The following ZNF362 variants were observed in gnomAD, a reference collection of about 807,000 sequenced individuals.
ZNF362 encodes zinc finger protein 362.
A neutral mutation model predicts 42.9 loss-of-function variants in ZNF362; 11 were observed. The observed-to-expected ratio is 0.26, with a 90% CI of 0.16 to 0.42. ZNF362 has a LOEUF of 0.42. ZNF362 is among the 20% of genes least tolerant of loss of function. ZNF362 has a pLI of 1.00. For synonymous variants in ZNF362, 255 were observed against 257.3 expected, an observed-to-expected ratio of 0.99 and a Z score of 0.09; for missense variants, 362 against 576.2, an observed-to-expected ratio of 0.63 and a Z score of 3.81.
chr1:33,253,784 T>C (rs1645772239), upstream of ZNF362, among the ~76,000 whole-genome samples: 1 of 152,186 alleles, frequency 6.6e-6, no homozygotes, highest in Admixed American at 6.6e-5. Flanking sequence ...ATGTGTTAGG[T>C]GCTGTGATGG....
At chr1:33,143,397 A>G in the ZNF362 span, among the ~76,000 whole-genome samples, 2 of 152,186 alleles carry the variant, frequency 1.3e-5, no homozygotes, top group Non-Finnish European at 2.9e-5. Context: ...AGACAGATCC[A>G]CTGAGCCAAA....
intron 7 of ZNF362, 24 bp from the exon 8 acceptor site, chr1:33,295,123 T>G (rs1217880624): frequency 1.3e-6 from 2 of 1,587,930 alleles, no homozygotes; most frequent in Non-Finnish European, 1.7e-6. Context: ...GTTCCTCTCC[T>G]GACCCCCTGC....
chr1:33,292,927 A>G (rs1008682663), intron 6 of ZNF362, among the ~76,000 whole-genome samples: 1 of 152,218 alleles, frequency 6.6e-6, no homozygotes, highest in African/African-American at 2.4e-5. Flanking sequence ...AACATGTGAC[A>G]TCCAGAAATG....
At chr1:33,181,013 C>A in the ZNF362 span, 2 of 1,480,936 alleles carry the variant, frequency 1.4e-6, no homozygotes, top group Non-Finnish European at 1.8e-6. This position sits in a 1 kb window ranked among gnomAD's most constrained non-coding sequence, Gnocchi z 6.5. Context: ...CCAGGCAGGC[C>A]GGGTAGCGCA....
the ZNF362 span, among the ~76,000 whole-genome samples, chr1:33,240,829 G>A: frequency 6.6e-5 from 10 of 152,138 alleles, no homozygotes; most frequent in Non-Finnish European, 1.0e-4. Context: ...ATTACCTGGC[G>A]TTTTCCCCCA....
At chr1:33,244,258 T>C in the ZNF362 span, among the ~76,000 whole-genome samples, 51 of 151,948 alleles carry the variant, frequency 3.4e-4, no homozygotes, top group South Asian at 6.2e-4. The surrounding 1 kb of genome is among the most constrained non-coding windows in gnomAD (Gnocchi z 4.0). Flanking sequence ...TATCACATGC[T>C]TTCCCAACTC....
chr1:33,263,917 G>A (rs1244140453), intron 1 of ZNF362, among the ~76,000 whole-genome samples: 1 of 152,156 alleles, frequency 6.6e-6, no homozygotes, highest in African/African-American at 2.4e-5. Context: ...TCCCTGGCCT[G>A]TTCCCCGCGA....
chr1:33,262,731 C>T (rs1015549973), intron 1 of ZNF362, among the ~76,000 whole-genome samples: 5 of 152,192 alleles, frequency 3.3e-5, no homozygotes, highest in African/African-American at 9.7e-5. Context: ...TACATATTCA[C>T]ACTATTACCT....
At chr1:33,286,306 G>A (rs532621975) in intron 6 of ZNF362, among the ~76,000 whole-genome samples, 1 of 151,886 alleles carries the variant, frequency 6.6e-6, no homozygotes, top group Non-Finnish European at 1.5e-5. Context: ...AAACACAAGA[G>A]CAAGTGATAA....
the ZNF362 span, among the ~76,000 whole-genome samples, chr1:33,236,777 A>C: frequency 6.6e-6 from 1 of 151,682 alleles, no homozygotes. Context: ...CTATGTAAAC[A>C]TATATCAAAA....
chr1:33,180,969 C>G, the ZNF362 span: 1 of 575,642 alleles, frequency 1.7e-6, no homozygotes, highest in Non-Finnish European at 2.9e-6. Flanking sequence ...CACCCCCCGC[C>G]CGGCCCCACC....
chr1:33,134,406 G>A, the ZNF362 span, among the ~76,000 whole-genome samples: 2 of 152,210 alleles, frequency 1.3e-5, no homozygotes, highest in African/African-American at 2.4e-5. Flanking sequence ...TAGCTAAGGC[G>A]CTTAGGTAGC....
At chr1:33,297,966 C>T (rs1322643584) in intron 8 of ZNF362, among the ~76,000 whole-genome samples, 1 of 152,188 alleles carries the variant, frequency 6.6e-6, no homozygotes, top group African/African-American at 2.4e-5. Context: ...TTGCAGGTTG[C>T]TTCCCTCTGG....
the ZNF362 span, among the ~76,000 whole-genome samples, chr1:33,233,300 T>A: frequency 6.6e-6 from 1 of 152,276 alleles, no homozygotes; most frequent in Non-Finnish European, 1.5e-5. Flanking sequence ...GATTGCATTG[T>A]CACATGCTCT....
the ZNF362 span, among the ~76,000 whole-genome samples, chr1:33,218,180 G>A: frequency 2.6e-5 from 4 of 152,300 alleles, no homozygotes; most frequent in African/African-American, 9.6e-5. Context: ...GGCAGCTTAT[G>A]CCTATAATCC....
At chr1:33,137,155 A>C in the ZNF362 span, among the ~76,000 whole-genome samples, 3 of 151,928 alleles carry the variant, frequency 2.0e-5, no homozygotes, top group Non-Finnish European at 4.4e-5. Flanking sequence ...CAGTTTCCTT[A>C]ACTGTAGCAA....
the ZNF362 span, among the ~76,000 whole-genome samples, chr1:33,216,152 C>A: frequency 8.0e-6 from 1 of 125,430 alleles, no homozygotes; most frequent in Admixed American, 9.1e-5. Flanking sequence ...CCCTTGCATT[C>A]TAAAGTAAAA....
chr1:33,215,328 A>G, the ZNF362 span, among the ~76,000 whole-genome samples: 1 of 151,898 alleles, frequency 6.6e-6, no homozygotes, highest in South Asian at 2.1e-4. Flanking sequence ...GAGTAGAATG[A>G]TGGTCACCAA....
At chr1:33,250,889 G>GAAGAAGAAGA in the ZNF362 span, among the ~76,000 whole-genome samples, 5 of 151,958 alleles carry the variant, frequency 3.3e-5, no homozygotes, top group Non-Finnish European at 5.9e-5. Context: ...AGAAGAAGAA[G>GAAGAAGAAGA]AAGAAGGAGA....
Sources: gnomAD v4.1 joint callset for allele counts (sites outside exome capture counted in the v4.1 genomes callset) on GRCh38, gnomAD v4.1.1 for gene constraint, Gnocchi (gnomAD v3.1) non-coding constraint, MANE v1.5 for transcripts, NCBI Gene and HGNC (gene_info 2026-07-23, HGNC 2026-07-21) for gene names.